The following SEC63 variants were observed in gnomAD, a reference collection of about 807,000 sequenced individuals.
SEC63 encodes SEC63 protein translocation regulator.
A neutral mutation model predicts 116.2 loss-of-function variants in SEC63; 56 were observed. The observed-to-expected ratio is 0.48, with a 90% CI of 0.39 to 0.60. The LOEUF (loss-of-function observed/expected upper bound fraction) is 0.60. Among genes scored for constraint, SEC63 ranks in the 20% least tolerant of loss-of-function variants. The pLI is 0.00. For synonymous variants in SEC63, 273 were observed against 294.6 expected, an observed-to-expected ratio of 0.93 and a Z score of 0.75; for missense variants, 668 against 900.0, an observed-to-expected ratio of 0.74 and a Z score of 3.30.
chr6:107,953,043 T>C (rs1415781590), intron 1 of SEC63, among the ~76,000 whole-genome samples: 1 of 152,132 alleles, frequency 6.6e-6, no homozygotes, highest in East Asian at 1.9e-4. Context: ...GTGGATCAAT[T>C]GAGGTCAGAA....
chr6:107,906,580 G>T lies in SEC63; in HGVS notation c.829C>A (p.Leu277Ile). The change falls in exon 10 of 21, where the codon CTA (leucine) becomes ATA (isoleucine). Residue 277 changes from leucine (L) to isoleucine (I), a missense_variant and splice_region_variant. Leu to Ile is a conservative substitution (Grantham distance 5). This residue lies in a region of SEC63 where 430 missense variants were observed against 557.5 expected (regional missense o/e 0.77). Coordinates refer to ENST00000369002, the MANE Select transcript of SEC63 (RefSeq NM_007214.5). ...RPTDNILIPQ[L>I]IREIGSINLK... is the part of the protein sequence containing the mutation. ...TTAATGCTGCCAATTTCTCTGATTA[G>T]CTAGAATAAATAAAATAATTATTCA... The T allele has an allele frequency of 6.2e-7, 1 of 1,611,816 alleles. No homozygotes were observed.
At chr6:107,893,273 C>T (rs1047484075) in intron 16 of SEC63, among the ~76,000 whole-genome samples, 3 of 151,972 alleles carry the variant, frequency 2.0e-5, no homozygotes, top group Non-Finnish European at 2.9e-5. Context: ...CAAAACTAAT[C>T]TATGGCGATT....
intron 20 of SEC63, 70 bp downstream of exon 20, chr6:107,872,738 G>T: frequency 2.1e-6 from 2 of 945,348 alleles, no homozygotes; most frequent in Non-Finnish European, 3.4e-6. Flanking sequence ...TTCAAAACTA[G>T]AAATGTTTTC....
intron 17 of SEC63, among the ~76,000 whole-genome samples, chr6:107,881,864 TAGAC>T (rs914470966): frequency 3.3e-5 from 5 of 152,226 alleles, no homozygotes; most frequent in Non-Finnish European, 7.3e-5. Flanking sequence ...TCTTTAATCT[TAGAC>T]AGCCTTGGGA....
chr6:107,878,120 T>C (rs1484747086), intron 18 of SEC63, among the ~76,000 whole-genome samples: 1 of 152,226 alleles, frequency 6.6e-6, no homozygotes, highest in Admixed American at 6.5e-5. Flanking sequence ...AATAAAACTT[T>C]ATTTACAATA....
intron 18 of SEC63, among the ~76,000 whole-genome samples, chr6:107,880,081 C>T (rs1786376818): frequency 6.6e-6 from 1 of 152,206 alleles, no homozygotes; most frequent in South Asian, 2.1e-4. Context: ...GCTACCTCTG[C>T]AATGGGCACA....
intron 12 of SEC63, among the ~76,000 whole-genome samples, 182 bp from the exon 13 acceptor site, chr6:107,901,699 T>G (rs1481022237): frequency 6.6e-6 from 1 of 152,018 alleles, no homozygotes. Context: ...TCCAAGAAAA[T>G]TTAAATTAAG....
intron 7 of SEC63, 26 bp from the exon 8 acceptor site, chr6:107,909,061 G>A: frequency 6.6e-7 from 1 of 1,506,402 alleles, no homozygotes; most frequent in Non-Finnish European, 9.2e-7. Context: ...AATTAAACAA[G>A]AAAGAAAGTA....
At chr6:107,910,052 TG>T (rs1787240051) in intron 7 of SEC63, among the ~76,000 whole-genome samples, 1 of 152,190 alleles carries the variant, frequency 6.6e-6, no homozygotes, top group South Asian at 2.1e-4. Context: ...TTAAAATGAA[TG>T]TGTGTACATA....
In SEC63 at chr6:107,915,099, T is replaced by TAAAGTACTTA. The variant is rs1399087711; in HGVS notation, c.453-1682_453-1673dup. 1.4e-4 allele frequency among the ~76,000 whole-genome samples: 22 copies of TAAAGTACTTA among 152,326 alleles called. No homozygotes were observed. The South Asian group carries it at 3.3e-3, about 23-fold the overall frequency. ...TCAGTATAATACCACTTCTAAGAGTTAAAGTACTTAAAAGCTGCGTAATTT... is the reference window on the plus strand; with the variant it reads ...TCAGTATAATACCACTTCTAAGAGTTAAAGTACTTAAAAGTACTTAAAAGCTGCGTAATTT... On this transcript the variant is annotated intron_variant, in intron 4 of 20. Coordinates refer to ENST00000369002, the MANE Select transcript of SEC63 (RefSeq NM_007214.5).
chr6:107,920,777 G>T (rs2064204), intron 4 of SEC63, among the ~76,000 whole-genome samples: 2 of 152,212 alleles, frequency 1.3e-5, no homozygotes, highest in East Asian at 3.9e-4. Context: ...AGATTAATAC[G>T]CAAGAGATCA....
rs553334223 is a variant in SEC63, at chr6:107,946,219, G to A, written c.124+11667C>T. Reference sequence around the variant, plus strand: ...CAAAGTGCTGGGATTACAGGCATAAGCCACCGCACCTGACCTATTTTTTAT... The same window carrying A: ...CAAAGTGCTGGGATTACAGGCATAAACCACCGCACCTGACCTATTTTTTAT... On this transcript the variant is annotated intron_variant, in intron 1 of 20. Transcript: ENST00000369002. 2.8e-3 allele frequency among the ~76,000 whole-genome samples: 425 copies of A among 150,636 alleles called. 1 individual carries two copies. Among genetic ancestry groups the A allele is most frequent in the African/African-American group, 9.8e-3 (403 of 40,922 alleles).
intron 16 of SEC63, among the ~76,000 whole-genome samples, chr6:107,887,218 T>TA (rs1286138240): frequency 3.3e-5 from 5 of 150,330 alleles, no homozygotes; most frequent in African/African-American, 1.2e-4. Flanking sequence ...GAACTGGAAA[T>TA]ACCATTTGAC....
At chr6:107,955,587 G>GTCA (rs2114526911) in intron 1 of SEC63, among the ~76,000 whole-genome samples, 1 of 152,302 alleles carries the variant, frequency 6.6e-6, no homozygotes, top group East Asian at 1.9e-4. Flanking sequence ...GCTGAAGGGG[G>GTCA]TCAAGTATGA....
chr6:107,912,626 T>C (rs754644752), intron 6 of SEC63, 90 bp downstream of exon 6: 1 of 776,946 alleles, frequency 1.3e-6, no homozygotes, highest in Non-Finnish European at 2.3e-6. Flanking sequence ...ATTTTCTTTG[T>C]AATAGTTCTT....
intron 4 of SEC63, among the ~76,000 whole-genome samples, chr6:107,920,425 CAAAAAAAAAA>C (rs34816965): frequency 2.0e-4 from 15 of 73,394 alleles, no homozygotes; most frequent in Non-Finnish European, 3.1e-4. Flanking sequence ...GACTCCGTCT[CAAAAAAAAAA>C]AAAAAAAAAA....
chr6:107,893,750 C>T, intron 15 of SEC63, 88 bp downstream of exon 15: 2 of 1,592,418 alleles, frequency 1.3e-6, no homozygotes, highest in Non-Finnish European at 1.7e-6. Flanking sequence ...AACTGAATTA[C>T]TCTCCCAGAG....
At chr6:107,921,014 C>G (rs1787543922) in intron 4 of SEC63, among the ~76,000 whole-genome samples, 1 of 152,004 alleles carries the variant, frequency 6.6e-6, no homozygotes, top group Admixed American at 6.6e-5. Flanking sequence ...AAAAGGAGAC[C>G]TTAAAAATCC....
At chr6:107,889,474 TTCTC>T (rs890497007) in intron 16 of SEC63, among the ~76,000 whole-genome samples, 8 of 152,206 alleles carry the variant, frequency 5.3e-5, no homozygotes, top group Non-Finnish European at 8.8e-5. Context: ...TATTTGATTC[TTCTC>T]TCTTTTATTC....
Sources: allele counts gnomAD v4.1 joint callset (sites outside exome capture counted in the v4.1 genomes callset), GRCh38; gene constraint gnomAD v4.1.1; regional missense constraint gnomAD v4.1.1; transcripts MANE v1.5; gene names NCBI Gene and HGNC (gene_info 2026-07-23, HGNC 2026-07-21).